The following DLG2 variants were observed in gnomAD, a reference collection of about 807,000 sequenced individuals.
The protein encoded by DLG2 is disks large homolog 2.
In DLG2, 45 loss-of-function variants were observed where a neutral mutation model predicts 132.5. That is an observed-to-expected ratio of 0.34 (90% CI 0.27 to 0.44). The LOEUF is 0.44. Ranked by LOEUF, DLG2 falls within the 20% of genes least tolerant of loss-of-function variation. The pLI, the probability that DLG2 is intolerant of heterozygous loss-of-function variation, is 1.00. For synonymous variants in DLG2, 424 were observed against 419.6 expected (o/e 1.01, Z -0.13); for missense variants, 1,045 against 1,196.9 (o/e 0.87, Z 1.87).
At chr11:84,358,903 T>C (rs1297408110) in intron 7 of DLG2, among the ~76,000 whole-genome samples, 1 of 151,950 alleles carries the variant, frequency 6.6e-6, no homozygotes, top group Non-Finnish European at 1.5e-5. Flanking sequence ...TCCAAGGCCA[T>C]GCAACTAGAA....
At chr11:84,968,563 G>A (rs1419373586) in intron 6 of DLG2, among the ~76,000 whole-genome samples, 2 of 152,038 alleles carry the variant, frequency 1.3e-5, no homozygotes, top group Non-Finnish European at 2.9e-5. Context: ...TTTAGTTTCT[G>A]TACTTCTGTA....
intron 7 of DLG2, among the ~76,000 whole-genome samples, chr11:84,312,724 A>G (rs1432512752): frequency 2.6e-5 from 4 of 152,218 alleles, no homozygotes; most frequent in Non-Finnish European, 5.9e-5. Context: ...GCTAAATTTT[A>G]TAGGCCATTA....
intron 6 of DLG2, among the ~76,000 whole-genome samples, chr11:84,685,922 C>T (rs909374420): frequency 1.4e-4 from 21 of 152,248 alleles, no homozygotes; most frequent in African/African-American, 4.8e-4. Flanking sequence ...CTCTTGACCT[C>T]GTGATCCGCC....
chr11:84,358,501 C>T (rs1274577871), intron 7 of DLG2, among the ~76,000 whole-genome samples: 2 of 151,152 alleles, frequency 1.3e-5, no homozygotes, highest in African/African-American at 4.9e-5. Context: ...CTGTTTTCAA[C>T]TCTAACACCT....
At chr11:83,771,208 G>T (rs1237233897) in intron 18 of DLG2, among the ~76,000 whole-genome samples, 1 of 152,072 alleles carries the variant, frequency 6.6e-6, no homozygotes, top group Non-Finnish European at 1.5e-5. Context: ...AGATAATTGT[G>T]TTTCTTTTAG....
intron 9 of DLG2, among the ~76,000 whole-genome samples, chr11:84,113,498 T>C (rs975983940): frequency 6.6e-6 from 1 of 152,176 alleles, no homozygotes; most frequent in African/African-American, 2.4e-5. Flanking sequence ...TAATTGCCAA[T>C]ATTTGTGGTC....
At chr11:84,338,978 T>C (rs1165266550) in intron 7 of DLG2, among the ~76,000 whole-genome samples, 1 of 152,224 alleles carries the variant, frequency 6.6e-6, no homozygotes. Context: ...TCTCTTATTG[T>C]AATAAATTAC....
intron 8 of DLG2, among the ~76,000 whole-genome samples, chr11:84,191,751 A>C (rs11233937): frequency 0.51 from 78,030 of 152,062 alleles, 24,122 homozygotes; most frequent in Non-Finnish European, 0.68. Flanking sequence ...ATCATTGACA[A>C]CTGCATACAG....
intron 18 of DLG2, among the ~76,000 whole-genome samples, chr11:83,753,384 C>T (rs549405705): frequency 3.4e-4 from 51 of 152,196 alleles, no homozygotes; most frequent in Non-Finnish European, 5.9e-4. Context: ...GATTGTGCCA[C>T]TGCACTCCAG....
chr11:85,066,065 G>A (rs981783034), intron 6 of DLG2, among the ~76,000 whole-genome samples: 12 of 151,480 alleles, frequency 7.9e-5, no homozygotes, highest in Non-Finnish European at 1.2e-4. Context: ...GATTAACTGA[G>A]AAGGAAACAC....
Position 85,532,619 on chromosome 11 carries a change from A to G in DLG2, c.40+66038T>C, listed in dbSNP as rs149841783. 5.8e-3 allele frequency among the ~76,000 whole-genome samples: 890 copies of G among 152,366 alleles called. 8 individuals are homozygous for G. Among genetic ancestry groups the G allele is most frequent in the Middle Eastern group, 0.041 (12 of 294 alleles). ...TAGAACAGATCATAATTTCCAGTGC[A>G]GTAATATTTGGATGGGCAGTGCTGT... On this transcript the variant is annotated intron_variant, in intron 3 of 27. Transcript: ENST00000376104.
Position 84,968,356 on chromosome 11 carries a change from G to C in DLG2, c.357+143305C>G, listed in dbSNP as rs146882691. On this transcript the variant is annotated intron_variant, in intron 6 of 27. Transcript: ENST00000376104. The stretch of plus-strand genomic sequence containing the variant: ...CAGAATAATAACAGAGGTAACTTCT[G>C]TGTGGGGAGTGGTTCTTAACTTTTG... 4.3e-4 allele frequency among the ~76,000 whole-genome samples: 66 copies of C among 152,262 alleles called. 2 individuals are homozygous for C. Among genetic ancestry groups the C allele is most frequent in the African/African-American group, 1.4e-3 (57 of 41,566 alleles).
chr11:84,231,286 T>C (rs894399571), intron 8 of DLG2, among the ~76,000 whole-genome samples: 8 of 152,322 alleles, frequency 5.3e-5, no homozygotes, highest in African/African-American at 1.9e-4. Flanking sequence ...ATGCTGGATC[T>C]TAACTATGGA....
chr11:84,771,829 G>A (rs962067836), intron 6 of DLG2, among the ~76,000 whole-genome samples: 2 of 152,034 alleles, frequency 1.3e-5, no homozygotes, highest in Non-Finnish European at 1.5e-5. Context: ...AATGCCTCAC[G>A]TAAAATGCAC....
chr11:83,852,789 A>C (rs2059984883), intron 16 of DLG2, among the ~76,000 whole-genome samples: 1 of 152,158 alleles, frequency 6.6e-6, no homozygotes, highest in Admixed American at 6.5e-5. Context: ...AGCCCTGATG[A>C]GTTTTCTAAT....
intron 6 of DLG2, among the ~76,000 whole-genome samples, chr11:84,951,125 C>T (rs1414886236): frequency 6.6e-6 from 1 of 152,098 alleles, no homozygotes; most frequent in African/African-American, 2.4e-5. Flanking sequence ...CTTGCATATG[C>T]TGAGAGGGAA....
At chr11:84,331,416 T>C (rs1293497612) in intron 7 of DLG2, among the ~76,000 whole-genome samples, 1 of 148,810 alleles carries the variant, frequency 6.7e-6, no homozygotes, top group Non-Finnish European at 1.5e-5. Context: ...TCCTGATGCT[T>C]CCCACTTCAC....
intron 6 of DLG2, among the ~76,000 whole-genome samples, chr11:84,548,251 T>C (rs192401442): frequency 6.6e-6 from 1 of 152,238 alleles, no homozygotes; most frequent in African/African-American, 2.4e-5. Flanking sequence ...AACACACAAA[T>C]GAGACAACGC....
chr11:83,674,811 C>G (rs2077410203), intron 18 of DLG2, among the ~76,000 whole-genome samples: 1 of 152,244 alleles, frequency 6.6e-6, no homozygotes, highest in South Asian at 2.1e-4. Flanking sequence ...AAGCAAGAGG[C>G]AAGAAGAAAT....
Sources: allele counts gnomAD v4.1 joint callset (sites outside exome capture counted in the v4.1 genomes callset), GRCh38; gene constraint gnomAD v4.1.1; transcripts MANE v1.5; gene names NCBI Gene and HGNC (gene_info 2026-07-23, HGNC 2026-07-21).